ROR1: variants seen among roughly 807,000 people sequenced by gnomAD.
ROR1 encodes the protein ROR family WNT receptor 1.
A neutral mutation model predicts 78.8 loss-of-function variants in ROR1; 19 were observed. That is an observed-to-expected ratio of 0.24 (90% CI 0.17 to 0.35). The LOEUF (loss-of-function observed/expected upper bound fraction) is 0.35. Among genes scored for constraint, ROR1 ranks in the 10% least tolerant of loss-of-function variants. The probability of loss-of-function intolerance (pLI) is 1.00; values close to 1 mark genes in which losing one functional copy is unlikely to be tolerated. For synonymous variants in ROR1, 386 were observed against 433.6 expected (o/e 0.89, Z 1.36); for missense variants, 917 against 1,177.8 (o/e 0.78, Z 3.24).
chr1:64,012,783 G>A (rs893169054), intron 2 of ROR1, among the ~76,000 whole-genome samples: 3 of 151,970 alleles, frequency 2.0e-5, no homozygotes, highest in Non-Finnish European at 4.4e-5. Flanking sequence ...AAACCATGGG[G>A]CAAATGCAAG....
intron 1 of ROR1, among the ~76,000 whole-genome samples, chr1:63,839,279 TTTTGACCATA>T: frequency 6.6e-6 from 1 of 152,284 alleles, no homozygotes; most frequent in East Asian, 1.9e-4. Context: ...GGAAGCCAGA[TTTTGACCATA>T]TTTCTAAGAG....
chr1:63,789,023 C>T (rs1234324967), intron 1 of ROR1: 21 of 631,514 alleles, frequency 3.3e-5, no homozygotes, highest in South Asian at 5.5e-5. Flanking sequence ...TCCTCATCCA[C>T]GTGACCTTCT....
At chr1:64,019,137 G>A (rs966202406) in intron 2 of ROR1, among the ~76,000 whole-genome samples, 1 of 152,186 alleles carries the variant, frequency 6.6e-6, no homozygotes, top group Admixed American at 6.5e-5. Flanking sequence ...GGTGATTCTA[G>A]TGTGCAACAA....
intron 7 of ROR1, among the ~76,000 whole-genome samples, chr1:64,149,596 C>T (rs1270725598): frequency 6.6e-6 from 1 of 152,112 alleles, no homozygotes; most frequent in Non-Finnish European, 1.5e-5. Context: ...CAGGGTGTGC[C>T]CTTCTCCCAT....
At chr1:63,971,858 G>A (rs536895185) in intron 1 of ROR1, among the ~76,000 whole-genome samples, 1 of 152,190 alleles carries the variant, frequency 6.6e-6, no homozygotes, top group East Asian at 1.9e-4. Context: ...CTTGTCCTCG[G>A]TCTTGCTCAT....
intron 2 of ROR1, among the ~76,000 whole-genome samples, chr1:64,015,949 A>G (rs181968552): frequency 1.8e-4 from 27 of 152,348 alleles, no homozygotes; most frequent in Admixed American, 1.8e-3. Context: ...TAAATAAAAT[A>G]TAAATCTCAT....
intron 1 of ROR1, among the ~76,000 whole-genome samples, chr1:63,890,740 G>C (rs1645388516): frequency 6.6e-6 from 1 of 152,064 alleles, no homozygotes; most frequent in South Asian, 2.1e-4. Flanking sequence ...AGGCATAAAA[G>C]TGAGAGACAG....
In ROR1 at chr1:64,061,362, A is replaced by T. The variant is rs531863523; in HGVS notation, c.482+10646A>T. On this transcript the variant is annotated intron_variant, in intron 4 of 8. Transcript: ENST00000371079. ...TTACACTTTCCCTTCCTATATTTAT[A>T]AGTTTTAATATCAGCTTCTACAATA... Among the ~76,000 whole-genome samples, 48 of 152,292 alleles carry T rather than the reference A, an allele frequency of 3.2e-4. 1 individual carries two copies. Among genetic ancestry groups the T allele is most frequent in the African/African-American group, 1.2e-3 (48 of 41,558 alleles).
At position 64,179,038 on chromosome 1, in the gene ROR1, A is replaced by AAAC; in HGVS notation, c.*185_*186insCAA. On this transcript the variant is annotated 3_prime_UTR_variant, in exon 9 of 9. Coordinates refer to ENST00000371079, the MANE Select transcript of ROR1 (RefSeq NM_005012.4). ...ACACTCGGCCAGAAAAAAAAAAAAAAAAAAAAAACAAGCAAACAAAAACAT... is the reference window on the plus strand; with the variant it reads ...ACACTCGGCCAGAAAAAAAAAAAAAAAACAAAAAAAACAAGCAAACAAAAACAT... 1 of 540,534 alleles carries AAAC rather than the reference A, an allele frequency of 1.9e-6. No homozygotes were observed. 33.5% of individuals were successfully genotyped at this position (540,534 alleles called of 1,614,324 possible).
intron 7 of ROR1, among the ~76,000 whole-genome samples, chr1:64,152,667 T>C (rs1439607201): frequency 1.3e-5 from 2 of 152,352 alleles, no homozygotes; most frequent in African/African-American, 2.4e-5. Context: ...ATATTTATTT[T>C]TAAAATTTCA....
chr1:63,985,019 T>G (rs1432100626), intron 1 of ROR1, among the ~76,000 whole-genome samples: 1 of 152,128 alleles, frequency 6.6e-6, no homozygotes, highest in Non-Finnish European at 1.5e-5. Flanking sequence ...TCATTGTGAG[T>G]TTTTGGATGG....
intron 1 of ROR1, among the ~76,000 whole-genome samples, chr1:63,896,254 G>C (rs1645438817): frequency 6.6e-6 from 1 of 152,130 alleles, no homozygotes; most frequent in Non-Finnish European, 1.5e-5. Context: ...TGTTTTGATA[G>C]CTCCTTTGAT....
At chr1:64,001,559 AG>A (rs1249225951) in intron 1 of ROR1, among the ~76,000 whole-genome samples, 1 of 152,100 alleles carries the variant, frequency 6.6e-6, no homozygotes, top group African/African-American at 2.4e-5. Context: ...AACTGGGTGA[AG>A]GGTGCAGAAT....
At chr1:64,154,249 C>T (rs1649708067) in intron 7 of ROR1, among the ~76,000 whole-genome samples, 1 of 152,094 alleles carries the variant, frequency 6.6e-6, no homozygotes, top group African/African-American at 2.4e-5. Flanking sequence ...GGCCTAATTA[C>T]CTCTCTCTCT....
chr1:64,177,299 T>C, intron 8 of ROR1, 129 bp from the exon 9 acceptor site: 2 of 714,572 alleles, frequency 2.8e-6, no homozygotes, highest in Admixed American at 2.8e-5. Flanking sequence ...GAAAGATATA[T>C]AGACCTACAA....
rs1413962308 is a variant in ROR1 at position 64,177,799 on chromosome 1, C to T, written c.1758C>T (p.Ser586=). 1 of 1,614,104 alleles carries T rather than the reference C, an allele frequency of 6.2e-7. No individual in the cohort carries two copies. The highest frequency in any genetic ancestry group is 2.2e-5 in the East Asian group (1 of 44,888). ...SSDEDGTVKS[S]LDHGDFLHIA... is the part of the protein sequence containing the mutation. ...ATGAAGATGGGACTGTGAAATCCAG[C>T]CTGGACCACGGAGATTTTCTGCACA... The change falls in exon 9 of 9, where the codon AGC becomes AGT. Residue 586 remains serine, a synonymous_variant. Coordinates refer to ENST00000371079, the MANE Select transcript of ROR1 (RefSeq NM_005012.4).
chr1:63,937,882 GCC>G (rs1433916350), intron 1 of ROR1, among the ~76,000 whole-genome samples: 1 of 152,164 alleles, frequency 6.6e-6, no homozygotes, highest in East Asian at 1.9e-4. Context: ...TTGCTGTAGA[GCC>G]CGTGTAGACA....
rs139188429 is a variant in ROR1 at position 63,855,095 on chromosome 1, G to A, written c.91+80587G>A. Among the ~76,000 whole-genome samples, 1,267 of 152,108 alleles carry A rather than the reference G, an allele frequency of 8.3e-3. 21 individuals are homozygous for A. Among genetic ancestry groups the A allele is most frequent in the African/African-American group, 0.026 (1,085 of 41,496 alleles). ...TGGAGGGCTGACTATATATACTAATGAACACTACTTTGGATTATATGAAAA... is the reference window on the plus strand; with the variant it reads ...TGGAGGGCTGACTATATATACTAATAAACACTACTTTGGATTATATGAAAA... On this transcript the variant is annotated intron_variant, in intron 1 of 8. Coordinates refer to ENST00000371079, the MANE Select transcript of ROR1 (RefSeq NM_005012.4).
At chr1:63,970,254 G>A (rs1414946828) in intron 1 of ROR1, among the ~76,000 whole-genome samples, 2 of 152,154 alleles carry the variant, frequency 1.3e-5, no homozygotes, top group African/African-American at 4.8e-5. Context: ...TTAAGACACT[G>A]CTTGGTCTCC....
Sources: gnomAD v4.1 joint callset for allele counts (sites outside exome capture counted in the v4.1 genomes callset) on GRCh38, gnomAD v4.1.1 for gene constraint, MANE v1.5 for transcripts, NCBI Gene and HGNC (gene_info 2026-07-23, HGNC 2026-07-21) for gene names.